NCOA2: variants seen among roughly 807,000 people sequenced by gnomAD.
NCOA2 encodes the protein nuclear receptor coactivator 2, also known as class E basic helix-loop-helix protein 75.
A neutral mutation model predicts 145.1 loss-of-function variants in NCOA2; 21 were observed. The observed-to-expected ratio is 0.14, with a 90% CI of 0.10 to 0.21. The LOEUF is 0.21. Among genes scored for constraint, NCOA2 ranks in the 10% least tolerant of loss-of-function variants. The pLI is 1.00. For missense variants in NCOA2, 1,472 were observed against 1,837.6 expected (o/e 0.80, Z 3.64); for synonymous variants, 619 against 637.5 (o/e 0.97, Z 0.44).
At chr8:70,239,037 A>C (rs1204450008) in intron 2 of NCOA2, among the ~76,000 whole-genome samples, 1 of 152,166 alleles carries the variant, frequency 6.6e-6, no homozygotes, top group East Asian at 1.9e-4. Context: ...ACCTCTGTAT[A>C]AGAAACCACC....
chr8:70,317,330 A>G (rs927816252), intron 1 of NCOA2, among the ~76,000 whole-genome samples: 4 of 152,196 alleles, frequency 2.6e-5, no homozygotes, highest in African/African-American at 9.6e-5. Context: ...TTAACCAGAC[A>G]TGAAAAAATA....
At chr8:70,161,981 T>C (rs1813069217) in intron 9 of NCOA2, among the ~76,000 whole-genome samples, 1 of 152,040 alleles carries the variant, frequency 6.6e-6, no homozygotes, top group African/African-American at 2.4e-5. Flanking sequence ...AGCATGACAG[T>C]GACCAAAATG....
the NCOA2 span, among the ~76,000 whole-genome samples, chr8:70,447,183 T>C: frequency 2.6e-5 from 4 of 152,182 alleles, no homozygotes; most frequent in African/African-American, 7.2e-5. Flanking sequence ...GAAAACACTC[T>C]AACACATTGT....
chr8:70,401,102 TACACACACACACAC>T (rs1474770116), intron 1 of NCOA2, among the ~76,000 whole-genome samples: 1 of 150,068 alleles, frequency 6.7e-6, no homozygotes, highest in East Asian at 2.0e-4. Flanking sequence ...CACACACACA[TACACACACACACAC>T]GCGCACACAC....
At position 70,127,001 on chromosome 8, in the gene NCOA2, A is replaced by C. The variant is rs1808489136; in HGVS notation, c.3728T>G (p.Leu1243Arg). ...QMLAQRQREI[L>R]NQHLRQRQMH... The stretch of plus-strand genomic sequence containing the variant: ...TTGTCTCTGTCGAAGATGCTGGTTC[A>C]GGATTTCCCTCTGTCTCTGGGCCAG... The change falls in exon 19 of 23, where the codon CTG becomes CGG. Residue 1243 changes from leucine (L) to arginine (R), a missense_variant. Leu to Arg is a moderately radical substitution (Grantham distance 102, BLOSUM62 -2). Around this residue, in one of 4 missense-constraint regions of NCOA2, gnomAD observed 3 missense variants for 17.0 expected, o/e 0.18. Coordinates refer to ENST00000452400, the MANE Select transcript of NCOA2 (RefSeq NM_006540.4). 3 of 1,613,464 alleles carry C rather than the reference A, an allele frequency of 1.9e-6. No individual in the cohort carries two copies. Among genetic ancestry groups the C allele is most frequent in the Non-Finnish European group, 1.7e-6 (2 of 1,179,674 alleles).
At chr8:70,218,680 G>T (rs987451957) in intron 2 of NCOA2, among the ~76,000 whole-genome samples, 2 of 152,106 alleles carry the variant, frequency 1.3e-5, no homozygotes, top group Non-Finnish European at 2.9e-5. Context: ...CAATTCCCAT[G>T]GTTTCAATCA....
intron 9 of NCOA2, 61 bp downstream of exon 9, chr8:70,162,650 C>G: frequency 6.6e-7 from 1 of 1,522,328 alleles, no homozygotes. Context: ...CTCCAGGAAT[C>G]ATTGACAGAA....
chr8:70,280,018 A>G (rs1825756622), intron 2 of NCOA2, among the ~76,000 whole-genome samples: 1 of 152,232 alleles, frequency 6.6e-6, no homozygotes, highest in African/African-American at 2.4e-5. Flanking sequence ...CTTGCAGCCA[A>G]GGAGTCCATG....
Position 70,216,755 on chromosome 8 carries a change from A to G in NCOA2, c.-10T>C. ...CTCCCATCCCACTCATCTTGAACAC[A>G]TATCAGCAACTAAAACAGAAAACAG... On this transcript the variant is annotated 5_prime_UTR_variant, in exon 3 of 23. The change abolishes an upstream ATG in the 5' untranslated region. Coordinates refer to ENST00000452400, the MANE Select transcript of NCOA2 (RefSeq NM_006540.4). 2 of 1,593,664 alleles carry G rather than the reference A, an allele frequency of 1.3e-6. No homozygotes were observed. Among genetic ancestry groups the G allele is most frequent in the Non-Finnish European group, 1.7e-6 (2 of 1,161,580 alleles).
At chr8:70,358,596 A>G (rs569624939) in intron 1 of NCOA2, among the ~76,000 whole-genome samples, 25 of 152,366 alleles carry the variant, frequency 1.6e-4, no homozygotes, top group African/African-American at 6.0e-4. Context: ...CATTCTATAT[A>G]TAAAAAATTA....
At chr8:70,238,145 T>TGC (rs149921010) in intron 2 of NCOA2, among the ~76,000 whole-genome samples, 3,429 of 152,048 alleles carry the variant, frequency 0.023, 126 homozygotes, top group African/African-American at 0.078. Flanking sequence ...AATAAGCATG[T>TGC]GCACACGCGC....
At chr8:70,273,351 A>C in intron 2 of NCOA2, 1 of 481,958 alleles carries the variant, frequency 2.1e-6, no homozygotes, top group South Asian at 2.8e-5. Context: ...TCCCCCGCGC[A>C]GCCCCTTATC....
intron 4 of NCOA2, among the ~76,000 whole-genome samples, chr8:70,190,703 A>C (rs1816584440): frequency 6.6e-6 from 1 of 152,082 alleles, no homozygotes; most frequent in Non-Finnish European, 1.5e-5. Flanking sequence ...AATACAAAAA[A>C]AATTTAGCTG....
chr8:70,305,065 T>G (rs1420079954), intron 1 of NCOA2, among the ~76,000 whole-genome samples: 1 of 150,488 alleles, frequency 6.6e-6, no homozygotes, highest in African/African-American at 2.4e-5. Flanking sequence ...TTTTTTTTTT[T>G]TGTAGAGATG....
At chr8:70,122,806 C>G (rs989652016) in intron 21 of NCOA2, among the ~76,000 whole-genome samples, 6 of 152,212 alleles carry the variant, frequency 3.9e-5, no homozygotes, top group African/African-American at 1.4e-4. Flanking sequence ...TAGATCTAAT[C>G]AAACTCTTCA....
chr8:70,276,989 G>T lies in NCOA2; in HGVS notation c.-20+19755C>A, dbSNP rs376579267. Among the ~76,000 whole-genome samples, 5 of 152,200 alleles carry T rather than the reference G, an allele frequency of 3.3e-5. No homozygotes were observed. The East Asian group carries it at 9.6e-4, about 29-fold the overall frequency. ...CATAATAAAGTGTAAGTATACTAAAGCACAAATACTTTCTCTTAAAAAACA... is the reference window on the plus strand; with the variant it reads ...CATAATAAAGTGTAAGTATACTAAATCACAAATACTTTCTCTTAAAAAACA... On this transcript the variant is annotated intron_variant, in intron 2 of 22. Transcript: ENST00000452400.
At chr8:70,121,174 G>T in intron 22 of NCOA2, 128 bp downstream of exon 22, 2 of 749,528 alleles carry the variant, frequency 2.7e-6, no homozygotes, top group South Asian at 1.7e-5. Context: ...TATGCCAGAT[G>T]AAACCAGAAG....
intron 4 of NCOA2, among the ~76,000 whole-genome samples, chr8:70,207,862 C>CAAAAAAAAAAA (rs754670876): frequency 1.1e-4 from 4 of 36,176 alleles, no homozygotes; most frequent in African/African-American, 2.2e-4. Flanking sequence ...GACTCCACCT[C>CAAAAAAAAAAA]AAAAAAAAAA....
At chr8:70,406,771 G>A (rs573583852), upstream of NCOA2, among the ~76,000 whole-genome samples, 1 of 152,234 alleles carries the variant, frequency 6.6e-6, no homozygotes, top group East Asian at 1.9e-4. Context: ...AGTTTTCAAA[G>A]TACTCACTTT....
Sources: gnomAD v4.1 joint callset for allele counts (sites outside exome capture counted in the v4.1 genomes callset) on GRCh38, gnomAD v4.1.1 for gene constraint, gnomAD v4.1.1 regional missense constraint, MANE v1.5 for transcripts, NCBI Gene and HGNC (gene_info 2026-07-23, HGNC 2026-07-21) for gene names.